ADGRG5: variants seen among roughly 807,000 people sequenced by gnomAD.
ADGRG5 encodes the protein G protein-coupled receptor 114.
A neutral mutation model predicts 53.2 loss-of-function variants in ADGRG5; 37 were observed. That is an observed-to-expected ratio of 0.70 (90% CI 0.53 to 0.91). The LOEUF (loss-of-function observed/expected upper bound fraction) is 0.91. Ranked by LOEUF, ADGRG5 falls within the 40% of genes least tolerant of loss-of-function variation. The pLI, the probability that ADGRG5 is intolerant of heterozygous loss-of-function variation, is 0.00. For synonymous variants in ADGRG5, 277 were observed against 290.4 expected, an observed-to-expected ratio of 0.95 and a Z score of 0.47; for missense variants, 614 against 675.8, an observed-to-expected ratio of 0.91 and a Z score of 1.01.
intron 10 of ADGRG5, among the ~76,000 whole-genome samples, chr16:57,571,724 C>T (rs748982565): frequency 2.8e-5 from 4 of 142,464 alleles, no homozygotes; most frequent in Non-Finnish European, 4.5e-5. Context: ...GGTGTGATCT[C>T]GGCTCACTGC....
chr16:57,562,536 A>T, intron 3 of ADGRG5, 77 bp downstream of exon 3: 5 of 944,570 alleles, frequency 5.3e-6, no homozygotes, highest in Non-Finnish European at 8.1e-6. Flanking sequence ...TAGACTCTTA[A>T]CTGTGCATTT....
intron 1 of ADGRG5, among the ~76,000 whole-genome samples, chr16:57,561,600 C>T (rs1382153369): frequency 2.0e-5 from 3 of 152,172 alleles, no homozygotes; most frequent in Non-Finnish European, 4.4e-5. Context: ...TAAATTTGCT[C>T]TATTGAAGCA....
At chr16:57,534,815 A>G in the ADGRG5 span, among the ~76,000 whole-genome samples, 1 of 152,200 alleles carries the variant, frequency 6.6e-6, no homozygotes, top group Admixed American at 6.5e-5. Context: ...CAGGGTTGGA[A>G]TAAGAGGTCA....
chr16:57,571,147 AC>A (rs1351602372), intron 10 of ADGRG5, among the ~76,000 whole-genome samples: 2 of 151,796 alleles, frequency 1.3e-5, no homozygotes, highest in Admixed American at 6.6e-5. Context: ...AGCCTAAGGA[AC>A]CCCCGCGCGC....
rs1174634128 is a variant in ADGRG5, at chr16:57,568,114, G to A, written c.1080G>A (p.Val360=). The A allele has an allele frequency of 3.1e-6, 5 of 1,613,730 alleles. No individual in the cohort carries two copies. The highest frequency in any genetic ancestry group is 4.2e-6 in the Non-Finnish European group (5 of 1,179,866). Residue 360 remains valine (V), a synonymous_variant, in exon 9 of 12, where the codon GTG becomes GTA. Coordinates refer to ENST00000349457, the MANE Select transcript of ADGRG5 (RefSeq NM_001304376.3). ...GCAGATATGTGTTCAAGCTTGGTGT[G>A]CTAGGCTGGGGTAAGCACATCATCT... ...YIRRYVFKLG[V]LGWGAPALLV...
chr16:57,561,115 C>T (rs1341755071), intron 1 of ADGRG5, among the ~76,000 whole-genome samples: 1 of 152,214 alleles, frequency 6.6e-6, no homozygotes, highest in African/African-American at 2.4e-5. Flanking sequence ...TTCATCCCCT[C>T]TTCAGAGGTT....
At chr16:57,546,622 T>G (rs1399949453) in intron 1 of ADGRG5, among the ~76,000 whole-genome samples, 2 of 152,254 alleles carry the variant, frequency 1.3e-5, no homozygotes, top group African/African-American at 4.8e-5. Context: ...TTAAATAATT[T>G]TTATGTAATA....
chr16:57,563,722 G>GC (rs1375008299), intron 4 of ADGRG5, 126 bp from the exon 5 acceptor site: 47 of 1,212,570 alleles, frequency 3.9e-5, no homozygotes, highest in Admixed American at 1.2e-4. Context: ...GATGCAGCCT[G>GC]GGGGGAGAAG....
At chr16:57,573,219 G>T (rs1430807279) in intron 10 of ADGRG5, among the ~76,000 whole-genome samples, 1 of 152,112 alleles carries the variant, frequency 6.6e-6, no homozygotes, top group Non-Finnish European at 1.5e-5. Context: ...ATCAACTGAG[G>T]TCAGGAGTTC....
chr16:57,565,189 C>T (rs1348836140), intron 6 of ADGRG5, 39 bp downstream of exon 6: 2 of 1,230,780 alleles, frequency 1.6e-6, no homozygotes, highest in Admixed American at 1.7e-5. Flanking sequence ...TGCACCCCTG[C>T]CCCTCTGTGA....
chr16:57,530,302 T>G, the ADGRG5 span, among the ~76,000 whole-genome samples: 1 of 152,018 alleles, frequency 6.6e-6, no homozygotes, highest in Admixed American at 6.5e-5. Context: ...CTCCTTAAAA[T>G]AAATGAGAGG....
chr16:57,547,555 C>T (rs1156390436), intron 1 of ADGRG5, among the ~76,000 whole-genome samples: 1 of 152,184 alleles, frequency 6.6e-6, no homozygotes, highest in Non-Finnish European at 1.5e-5. Context: ...AGCGATTCTC[C>T]TGCCTCAGCC....
Position 57,563,862 on chromosome 16 carries a change from T to G in ADGRG5, c.312T>G (p.His104Gln). ...ACCCTCTGCAGGCAGGAGGTCAGCATGCCCGGGGTCAGCACGCCATGCAGT... is the reference window on the plus strand; with the variant it reads ...ACCCTCTGCAGGCAGGAGGTCAGCAGGCCCGGGGTCAGCACGCCATGCAGT... ...LKRVPQAGGQ[H>Q]ARGQHAMQFP... The change falls in exon 5 of 12, where the codon CAT becomes CAG. Residue 104 changes from histidine (H) to glutamine (Q), a missense_variant. By Grantham distance (24) the His-to-Gln change is conservative. Coordinates refer to ENST00000349457, the MANE Select transcript of ADGRG5 (RefSeq NM_001304376.3). The G allele has an allele frequency of 6.2e-7, 1 of 1,613,854 alleles. No individual in the cohort carries two copies.
At chr16:57,539,620 A>ATT (rs35872844), upstream of ADGRG5, among the ~76,000 whole-genome samples, 2 of 142,668 alleles carry the variant, frequency 1.4e-5, no homozygotes, top group Non-Finnish European at 3.1e-5. Context: ...GACCAACTAA[A>ATT]TTTTTTTTTT....
chr16:57,533,548 C>A, the ADGRG5 span, among the ~76,000 whole-genome samples: 1 of 151,254 alleles, frequency 6.6e-6, no homozygotes, highest in African/African-American at 2.4e-5. Flanking sequence ...ACACACACAC[C>A]CCCAGGGACC....
intron 10 of ADGRG5, among the ~76,000 whole-genome samples, chr16:57,571,033 G>A (rs1318388916): frequency 1.3e-5 from 2 of 152,194 alleles, no homozygotes; most frequent in African/African-American, 2.4e-5. Flanking sequence ...GCCTTTAGGG[G>A]CCGGGGGACA....
intron 1 of ADGRG5, among the ~76,000 whole-genome samples, chr16:57,555,676 G>A (rs762076979): frequency 9.9e-5 from 15 of 152,096 alleles, no homozygotes; most frequent in African/African-American, 3.6e-4. Flanking sequence ...TTTTCTTGAC[G>A]AATTAGTCTT....
upstream of ADGRG5, among the ~76,000 whole-genome samples, chr16:57,537,795 A>T (rs2032426447): frequency 6.6e-6 from 1 of 152,018 alleles, no homozygotes; most frequent in Non-Finnish European, 1.5e-5. Context: ...TCACTTGTCG[A>T]TTCATTTGCT....
chr16:57,536,478 C>G, the ADGRG5 span: 4 of 152,224 alleles, frequency 2.6e-5, no homozygotes, highest in Non-Finnish European at 5.9e-5. Flanking sequence ...CTGCCGCCCC[C>G]CGGCCTGCCG....
Sources: gnomAD v4.1 joint callset for allele counts (sites outside exome capture counted in the v4.1 genomes callset) on GRCh38, gnomAD v4.1.1 for gene constraint, MANE v1.5 for transcripts, NCBI Gene and HGNC (gene_info 2026-07-23, HGNC 2026-07-21) for gene names.